Variants in CDH13 observed in about 807,000 individuals in gnomAD.
The protein encoded by CDH13 is cadherin 13, also known as cadherin-13.
In CDH13, 24 loss-of-function variants were observed where a neutral mutation model predicts 63.8. The observed-to-expected ratio is 0.38, with a 90% CI of 0.27 to 0.53. CDH13 has a LOEUF of 0.53. Ranked by LOEUF, CDH13 falls within the 20% of genes least tolerant of loss-of-function variation. The probability of loss-of-function intolerance (pLI) is 0.85; values close to 1 mark genes in which losing one functional copy is unlikely to be tolerated. For missense variants in CDH13, 1,049 were observed against 903.1 expected, an observed-to-expected ratio of 1.16 and a Z score of -2.07; for synonymous variants, 503 against 355.3, an observed-to-expected ratio of 1.42 and a Z score of -4.67.
At chr16:82,957,769 C>T (rs1251619429) in intron 2 of CDH13, among the ~76,000 whole-genome samples, 1 of 152,146 alleles carries the variant, frequency 6.6e-6, no homozygotes, top group Admixed American at 6.5e-5. Flanking sequence ...CTAGAAATTA[C>T]CTAGGAAATA....
At chr16:83,645,426 G>A (rs1483356897) in intron 8 of CDH13, among the ~76,000 whole-genome samples, 3 of 152,126 alleles carry the variant, frequency 2.0e-5, no homozygotes, top group African/African-American at 4.8e-5. Flanking sequence ...TTGGGGATGA[G>A]GGCTGAAAAA....
intron 6 of CDH13, among the ~76,000 whole-genome samples, chr16:83,475,255 C>T (rs983969466): frequency 1.3e-5 from 2 of 152,250 alleles, no homozygotes; most frequent in Non-Finnish European, 2.9e-5. Flanking sequence ...TTGCCTTAGA[C>T]ACCAGGTCTG....
rs185408143 is a variant in CDH13, at chr16:83,302,678, A to G, written c.637-42184A>G. On this transcript the variant is annotated intron_variant, in intron 5 of 13. Coordinates refer to ENST00000567109, the MANE Select transcript of CDH13 (RefSeq NM_001257.5). Reference sequence around the variant, plus strand: ...CCTGCTTTTAAGGAGCTCATAGTCTAAGAGTGGAGTCAGATAAGTCAACAA... The same window carrying G: ...CCTGCTTTTAAGGAGCTCATAGTCTGAGAGTGGAGTCAGATAAGTCAACAA... Among the ~76,000 whole-genome samples, 262 of 152,350 alleles carry G rather than the reference A, an allele frequency of 1.7e-3. 4 individuals carry two copies. Among genetic ancestry groups the G allele is most frequent in the Admixed American group, 0.015 (236 of 15,296 alleles).
chr16:83,372,742 C>G (rs2091393662), intron 6 of CDH13, among the ~76,000 whole-genome samples: 1 of 121,820 alleles, frequency 8.2e-6, no homozygotes, highest in African/African-American at 3.3e-5. Context: ...CAGAGCGAGA[C>G]TCGGTCTAAA....
chr16:83,205,083 C>A (rs1378678936), intron 4 of CDH13, among the ~76,000 whole-genome samples: 1 of 152,276 alleles, frequency 6.6e-6, no homozygotes, highest in Non-Finnish European at 1.5e-5. Context: ...TTTCTGATAC[C>A]ATAAATCTGA....
intron 7 of CDH13, among the ~76,000 whole-genome samples, chr16:83,500,954 C>T (rs974526095): frequency 1.1e-4 from 17 of 152,138 alleles, no homozygotes; most frequent in African/African-American, 3.6e-4. Flanking sequence ...TCATGGCCTC[C>T]GTTAATGTTT....
At chr16:83,269,560 G>T (rs1037810488) in intron 5 of CDH13, among the ~76,000 whole-genome samples, 1 of 152,180 alleles carries the variant, frequency 6.6e-6, no homozygotes, top group African/African-American at 2.4e-5. Flanking sequence ...TCAGAGAACA[G>T]ATTCCCACCC....
chr16:83,230,223 C>G (rs1159919817), intron 5 of CDH13, among the ~76,000 whole-genome samples: 1 of 152,100 alleles, frequency 6.6e-6, no homozygotes, highest in Non-Finnish European at 1.5e-5. Flanking sequence ...CACATTAGTT[C>G]CTGTTCAGTG....
At chr16:83,447,229 AC>A (rs1407261610) in intron 6 of CDH13, among the ~76,000 whole-genome samples, 2 of 150,090 alleles carry the variant, frequency 1.3e-5, no homozygotes, top group Admixed American at 1.3e-4. Context: ...AGCCTAGTCA[AC>A]ATGGTGAAAC....
At chr16:83,397,250 C>T (rs766840359) in intron 6 of CDH13, 2 of 152,200 alleles carry the variant, frequency 1.3e-5, no homozygotes, top group East Asian at 1.9e-4. Context: ...GATACACCCT[C>T]TTAATCTAAG....
At chr16:83,368,839 A>C (rs2091302881) in intron 6 of CDH13, among the ~76,000 whole-genome samples, 1 of 127,344 alleles carries the variant, frequency 7.9e-6, no homozygotes, top group African/African-American at 3.2e-5. Context: ...TTCTGTGAAT[A>C]CCATTATTTC....
Position 83,286,391 on chromosome 16 carries a change from T to G in CDH13, c.637-58471T>G, listed in dbSNP as rs1369995147. 2.0e-5 allele frequency among the ~76,000 whole-genome samples: 3 copies of G among 152,170 alleles called. No individual in the cohort carries two copies. The East Asian group carries it at 5.8e-4, about 29-fold the overall frequency. ...CCCCTGTGGTATGTTTGTGTAGAAT[T>G]TAAAAGGCATGCTCCCTCTGGTCAG... On this transcript the variant is annotated intron_variant, in intron 5 of 13. Coordinates refer to ENST00000567109, the MANE Select transcript of CDH13 (RefSeq NM_001257.5).
chr16:83,683,614 A>T (rs1020196974), intron 10 of CDH13, among the ~76,000 whole-genome samples: 1 of 152,128 alleles, frequency 6.6e-6, no homozygotes, highest in African/African-American at 2.4e-5. Context: ...CTGTTTATTT[A>T]TTCCCTTGTT....
chr16:83,256,674 C>CAAAAAAAAAA (rs59651612), intron 5 of CDH13, among the ~76,000 whole-genome samples: 67 of 115,166 alleles, frequency 5.8e-4, no homozygotes, highest in Non-Finnish European at 7.0e-4. Flanking sequence ...TACTAAAATA[C>CAAAAAAAAAA]AAAAAAAAAA....
chr16:83,685,383 A>T (rs887314122), intron 10 of CDH13, among the ~76,000 whole-genome samples: 1 of 152,190 alleles, frequency 6.6e-6, no homozygotes, highest in African/African-American at 2.4e-5. Context: ...AAAGGGAAAA[A>T]TATCCCATGA....
chr16:83,194,764 G>A (rs996207762), intron 4 of CDH13, among the ~76,000 whole-genome samples: 5 of 152,202 alleles, frequency 3.3e-5, no homozygotes, highest in Non-Finnish European at 5.9e-5. Context: ...TAGTTGGGTA[G>A]TTGGGAGCAT....
At chr16:83,003,963 T>G (rs1913208498) in intron 2 of CDH13, among the ~76,000 whole-genome samples, 1 of 152,238 alleles carries the variant, frequency 6.6e-6, no homozygotes, top group Non-Finnish European at 1.5e-5. Flanking sequence ...CTGTACTTCC[T>G]TATCGTATTA....
chr16:83,325,258 G>C (rs1289164237), intron 5 of CDH13, among the ~76,000 whole-genome samples: 1 of 150,480 alleles, frequency 6.6e-6, no homozygotes. Flanking sequence ...GCTACAATAG[G>C]GGCACCTTAT....
rs1904293211 is a variant in CDH13, at chr16:83,798,331, G to A, written c.*3301G>A. The stretch of plus-strand genomic sequence containing the variant: ...GCACGAGCTCTCCAGATGATTCTGA[G>A]GAAAGGAGTCTACAATTTTCCTAGG... On this transcript the variant is annotated 3_prime_UTR_variant, in exon 14 of 14. Transcript: ENST00000567109. The A allele has an allele frequency of 6.6e-6, 1 of 152,202 alleles. No individual in the cohort carries two copies. Among genetic ancestry groups the A allele is most frequent in the South Asian group, 2.1e-4 (1 of 4,834 alleles). The allele number at this position is 152,202 out of a possible 1,614,324, so 9.4% of individuals were successfully genotyped here. A position where few individuals can be genotyped will look rare whatever the true frequency, so the allele number is the denominator to read the frequency against.
Sources: gnomAD v4.1 joint callset for allele counts (sites outside exome capture counted in the v4.1 genomes callset) on GRCh38, gnomAD v4.1.1 for gene constraint, MANE v1.5 for transcripts, NCBI Gene and HGNC (gene_info 2026-07-23, HGNC 2026-07-21) for gene names.